ZCCHC7: variants seen among roughly 807,000 people sequenced by gnomAD.
The protein encoded by ZCCHC7 is zinc finger CCHC domain-containing protein 7.
ZCCHC7 carries 35 observed loss-of-function variants against 52.0 expected under a neutral mutation model. The observed-to-expected ratio is 0.67, with a 90% CI of 0.51 to 0.89. The LOEUF is 0.89. Ranked by LOEUF, ZCCHC7 falls within the 40% of genes least tolerant of loss-of-function variation. The pLI is 0.00. For missense variants in ZCCHC7, 574 were observed against 649.1 expected (o/e 0.88, Z 1.26); for synonymous variants, 217 against 221.5 (o/e 0.98, Z 0.18).
chr9:37,344,259 T>G (rs145806801), intron 6 of ZCCHC7, among the ~76,000 whole-genome samples: 3 of 152,182 alleles, frequency 2.0e-5, no homozygotes, highest in African/African-American at 7.2e-5. Context: ...ATTTGGAGAG[T>G]GGATGATCCT....
chr9:37,252,926 A>G (rs1411067371), intron 2 of ZCCHC7, among the ~76,000 whole-genome samples: 3 of 152,146 alleles, frequency 2.0e-5, no homozygotes, highest in Admixed American at 6.5e-5. Context: ...CCCCCACTTA[A>G]TAGTTCTGAC....
intron 2 of ZCCHC7, among the ~76,000 whole-genome samples, chr9:37,141,182 G>A (rs1171982859): frequency 6.6e-6 from 1 of 151,742 alleles, no homozygotes; most frequent in African/African-American, 2.4e-5. Flanking sequence ...CATGGCTTTC[G>A]GTTGCAGACT....
chr9:37,302,486 G>T (rs1770139555), intron 3 of ZCCHC7, among the ~76,000 whole-genome samples: 1 of 152,040 alleles, frequency 6.6e-6, no homozygotes. Context: ...ATATGGCCTG[G>T]TACCACTAAA....
chr9:37,177,888 T>C (rs1674016687), intron 2 of ZCCHC7, among the ~76,000 whole-genome samples: 1 of 152,098 alleles, frequency 6.6e-6, no homozygotes, highest in African/African-American at 2.4e-5. Flanking sequence ...TAGGGAGACA[T>C]GACAACTAAG....
At chr9:37,322,514 C>T (rs2118047301) in intron 5 of ZCCHC7, 1 of 151,934 alleles carries the variant, frequency 6.6e-6, no homozygotes, top group African/African-American at 2.4e-5. Context: ...TTTTCTTTTT[C>T]ATCAATGACC....
intron 2 of ZCCHC7, among the ~76,000 whole-genome samples, chr9:37,299,395 A>C (rs182608863): frequency 6.6e-6 from 1 of 152,344 alleles, no homozygotes; most frequent in East Asian, 1.9e-4. Flanking sequence ...GCCACCATGG[A>C]TGCCATTTAT....
chr9:37,310,947 ACT>A (rs1321604044), intron 5 of ZCCHC7, among the ~76,000 whole-genome samples: 45 of 141,742 alleles, frequency 3.2e-4, no homozygotes, highest in African/African-American at 1.2e-3. Context: ...ACAGTGTAAG[ACT>A]CTCTCTTTTT....
chr9:37,221,340 A>C lies in ZCCHC7; in HGVS notation c.611-80848A>C, dbSNP rs141573704. Among the ~76,000 whole-genome samples, 47 of 152,338 alleles carry C rather than the reference A, an allele frequency of 3.1e-4. 1 individual carries two copies. The East Asian group carries it at 9.1e-3, about 29-fold the overall frequency. On this transcript the variant is annotated intron_variant, in intron 2 of 8. Coordinates refer to ENST00000336755, the MANE Select transcript of ZCCHC7 (RefSeq NM_032226.3). Reference sequence around the variant, plus strand: ...TAGTAAGAATAGAAAAGGAGAAAGAAGAATGGCCTTTCAAAGGGAAAGATC... The same window carrying C: ...TAGTAAGAATAGAAAAGGAGAAAGACGAATGGCCTTTCAAAGGGAAAGATC...
intron 2 of ZCCHC7, among the ~76,000 whole-genome samples, chr9:37,141,628 A>G (rs1364631586): frequency 6.6e-6 from 1 of 151,952 alleles, no homozygotes; most frequent in Non-Finnish European, 1.5e-5. Context: ...TAGAAATACT[A>G]ATTAACAGTA....
At chr9:37,125,921 A>G (rs754206884) in intron 1 of ZCCHC7, among the ~76,000 whole-genome samples, 30 of 152,236 alleles carry the variant, frequency 2.0e-4, no homozygotes, top group Non-Finnish European at 4.3e-4. Context: ...TGGCACCGTT[A>G]CATGCTGTAT....
At chr9:37,258,555 G>A (rs1826702370) in intron 2 of ZCCHC7, among the ~76,000 whole-genome samples, 1 of 151,890 alleles carries the variant, frequency 6.6e-6, no homozygotes, top group Admixed American at 6.6e-5. Context: ...CTAGGAGATC[G>A]AGAGCAACCT....
chr9:37,304,003 C>A (rs568708123), intron 3 of ZCCHC7, among the ~76,000 whole-genome samples, 185 bp from the exon 4 acceptor site: 1 of 152,218 alleles, frequency 6.6e-6, no homozygotes, highest in Non-Finnish European at 1.5e-5. Flanking sequence ...CATAAAGTTC[C>A]CCTGTGGCTA....
At chr9:37,155,709 C>T (rs1820779196) in intron 2 of ZCCHC7, among the ~76,000 whole-genome samples, 1 of 152,126 alleles carries the variant, frequency 6.6e-6, no homozygotes, top group Non-Finnish European at 1.5e-5. Flanking sequence ...GTAAATGTCT[C>T]CAAATTTCAG....
chr9:37,175,824 C>T (rs1291219646), intron 2 of ZCCHC7, among the ~76,000 whole-genome samples: 3 of 152,188 alleles, frequency 2.0e-5, no homozygotes, highest in African/African-American at 7.2e-5. Context: ...GTAGAATTGT[C>T]TGTCTTGCAG....
intron 2 of ZCCHC7, among the ~76,000 whole-genome samples, chr9:37,158,314 A>G (rs1327978314): frequency 1.3e-5 from 2 of 152,034 alleles, no homozygotes; most frequent in Non-Finnish European, 2.9e-5. Flanking sequence ...GTTAAAGGGT[A>G]TTATATAGAC....
chr9:37,164,275 C>T (rs1271977092), intron 2 of ZCCHC7, among the ~76,000 whole-genome samples: 1 of 152,082 alleles, frequency 6.6e-6, no homozygotes, highest in East Asian at 1.9e-4. Context: ...AACCCCATCT[C>T]TGTAACTAAA....
chr9:37,146,711 G>A (rs1002944236), intron 2 of ZCCHC7, among the ~76,000 whole-genome samples: 1 of 150,088 alleles, frequency 6.7e-6, no homozygotes, highest in Non-Finnish European at 1.5e-5. Context: ...TGGAAAATAA[G>A]AGAGAAGTCT....
chr9:37,329,310 A>G (rs74703246), intron 6 of ZCCHC7, among the ~76,000 whole-genome samples: 7,717 of 151,794 alleles, frequency 0.051, 642 homozygotes, highest in African/African-American at 0.17. Context: ...ATTTGTTTCA[A>G]TGTAACAGAA....
chr9:37,340,876 G>A (rs1338592304), intron 6 of ZCCHC7, among the ~76,000 whole-genome samples: 1 of 152,056 alleles, frequency 6.6e-6, no homozygotes, highest in Non-Finnish European at 1.5e-5. Flanking sequence ...TATGTAGATA[G>A]CGTTTGTCAT....
Sources: gnomAD v4.1 joint callset for allele counts (sites outside exome capture counted in the v4.1 genomes callset) on GRCh38, gnomAD v4.1.1 for gene constraint, MANE v1.5 for transcripts, NCBI Gene and HGNC (gene_info 2026-07-23, HGNC 2026-07-21) for gene names.